Variants in ZNF565 observed in about 807,000 individuals in gnomAD.
ZNF565 encodes zinc finger protein 565.
Under a neutral mutation model 39.4 loss-of-function variants are expected in ZNF565, and 27 were observed. The observed-to-expected ratio is 0.69, with a 90% confidence interval of 0.51 to 0.95. ZNF565 has a LOEUF of 0.95. Ranked by LOEUF, ZNF565 falls within the 40% of genes least tolerant of loss-of-function variation. The pLI, the probability that ZNF565 is intolerant of heterozygous loss-of-function variation, is 0.00. For synonymous variants in ZNF565, 185 were observed against 216.6 expected (o/e 0.85, Z 1.28); for missense variants, 524 against 621.1 (o/e 0.84, Z 1.66).
intron 1 of ZNF565, among the ~76,000 whole-genome samples, chr19:36,202,361 G>A (rs1262776808): frequency 6.6e-6 from 1 of 151,192 alleles, no homozygotes; most frequent in Non-Finnish European, 1.5e-5. Context: ...AGCGAGACTC[G>A]ATCTCAAAAC....
intron 2 of ZNF565, among the ~76,000 whole-genome samples, chr19:36,195,832 C>T (rs1449070339): frequency 1.3e-5 from 2 of 150,348 alleles, no homozygotes; most frequent in South Asian, 2.1e-4. Flanking sequence ...GCGTGAGCCC[C>T]GTGCCCAGCC....
chr19:36,236,168 A>C, intron 1 of ZNF565: 1 of 362,294 alleles, frequency 2.8e-6, no homozygotes, highest in Non-Finnish European at 5.0e-6. Flanking sequence ...CTCATTGAGA[A>C]GCAGAAAATT....
chr19:36,239,401 T>C (rs969413014), intron 1 of ZNF565, among the ~76,000 whole-genome samples: 2 of 150,894 alleles, frequency 1.3e-5, no homozygotes, highest in African/African-American at 2.4e-5. Context: ...CTCACTGCAA[T>C]CTCCTCTGCT....
chr19:36,189,779 T>C (rs762940142), intron 4 of ZNF565, among the ~76,000 whole-genome samples: 1 of 152,222 alleles, frequency 6.6e-6, no homozygotes, highest in Non-Finnish European at 1.5e-5. Context: ...CTTAATATTT[T>C]AATACGGAAT....
At chr19:36,222,370 C>A (rs1227272265) in intron 1 of ZNF565, among the ~76,000 whole-genome samples, 2 of 152,166 alleles carry the variant, frequency 1.3e-5, no homozygotes, top group Non-Finnish European at 2.9e-5. Flanking sequence ...TCTGCTGTTG[C>A]TAACAATGCA....
chr19:36,213,759 C>T (rs1305398159), intron 1 of ZNF565, among the ~76,000 whole-genome samples: 2 of 150,580 alleles, frequency 1.3e-5, no homozygotes, highest in Admixed American at 6.6e-5. Context: ...CCTCCCACCT[C>T]GGCCTCCCAA....
chr19:36,200,786 A>C (rs10417892), intron 2 of ZNF565, among the ~76,000 whole-genome samples: 99,512 of 151,122 alleles, frequency 0.66, 33,231 homozygotes, highest in African/African-American at 0.78. Context: ...CACACCCAGC[A>C]TATATATATA....
At position 36,183,543 on chromosome 19, in the gene ZNF565, G is replaced by A; in HGVS notation, c.423C>T (p.Thr141=). The stretch of plus-strand genomic sequence containing the variant: ...GCTGGAACACGGGCATATGTCCATA[G>A]GTGACGTTCACTTGCTTAAAATAGC... ...EECYFKQVNV[T]YGHMPVFQHH... The change falls in exon 5 of 5, where the codon ACC becomes ACT. Residue 141 remains threonine, a synonymous_variant. Transcript: ENST00000304116. The A allele has an allele frequency of 4.3e-6, 7 of 1,614,204 alleles. No homozygotes were observed. Among genetic ancestry groups the A allele is most frequent in the Non-Finnish European group, 5.9e-6 (7 of 1,180,050 alleles).
At chr19:36,241,162 A>G (rs1977792565) in intron 1 of ZNF565, among the ~76,000 whole-genome samples, 1 of 152,244 alleles carries the variant, frequency 6.6e-6, no homozygotes. Flanking sequence ...TAGAATGCCA[A>G]ACTTATTTAA....
chr19:36,219,077 G>C (rs1228183623), upstream of ZNF565, among the ~76,000 whole-genome samples: 1 of 151,980 alleles, frequency 6.6e-6, no homozygotes, highest in East Asian at 1.9e-4. Flanking sequence ...CAAAGTGCTG[G>C]GATTACAGGC....
At chr19:36,190,315 G>A (rs539047205) in intron 4 of ZNF565, among the ~76,000 whole-genome samples, 2 of 151,960 alleles carry the variant, frequency 1.3e-5, no homozygotes, top group South Asian at 4.2e-4. Flanking sequence ...AGTGGCTCAC[G>A]CCTGTAATCC....
rs1246566505 is a variant in ZNF565, at chr19:36,245,577, G to A, written c.-47C>T. On this transcript the variant is annotated 5_prime_UTR_variant, in exon 1 of 5. Coordinates refer to the ZNF565 transcript ENST00000355114. This position sits in a 1 kb window ranked among gnomAD's most constrained non-coding sequence, Gnocchi z 4.4. ...ACTACATTTCCCAGGGTCCACCGCG[G>A]ATCTAGGAGGAGGCTTGAGATGCAG... is the stretch of plus-strand genomic sequence containing the variant. The A allele has an allele frequency of 1.4e-6, 1 of 702,082 alleles. No homozygotes were observed. Among genetic ancestry groups the A allele is most frequent in the Admixed American group, 2.0e-5 (1 of 49,980 alleles). 43.5% of individuals were successfully genotyped at this position (702,082 alleles called of 1,614,324 possible).
At chr19:36,219,812 C>A (rs539918833) in intron 1 of ZNF565, among the ~76,000 whole-genome samples, 1 of 152,128 alleles carries the variant, frequency 6.6e-6, no homozygotes, top group South Asian at 2.1e-4. Context: ...GTAGTCTATA[C>A]GTTAAGAGAA....
chr19:36,223,252 A>T (rs1976929683), intron 1 of ZNF565, among the ~76,000 whole-genome samples: 1 of 151,834 alleles, frequency 6.6e-6, no homozygotes, highest in Admixed American at 6.6e-5. Flanking sequence ...CCCCGTCTCT[A>T]CTAAAAATAC....
chr19:36,241,943 C>A (rs56229648), intron 1 of ZNF565, among the ~76,000 whole-genome samples: 1 of 152,094 alleles, frequency 6.6e-6, no homozygotes, highest in Non-Finnish European at 1.5e-5. Flanking sequence ...AGTAAATCTT[C>A]ATGACCTTAG....
At chr19:36,212,449 C>T (rs537142272) in intron 1 of ZNF565, among the ~76,000 whole-genome samples, 1 of 151,694 alleles carries the variant, frequency 6.6e-6, no homozygotes, top group Admixed American at 6.6e-5. Context: ...CCCCTCCCCC[C>T]GTCTCTACTA....
chr19:36,207,040 C>A (rs1320405743), intron 1 of ZNF565, among the ~76,000 whole-genome samples: 1 of 152,012 alleles, frequency 6.6e-6, no homozygotes, highest in African/African-American at 2.4e-5. Flanking sequence ...TTGCAAGGGT[C>A]TGAAGGCAGG....
upstream of ZNF565, among the ~76,000 whole-genome samples, chr19:36,216,988 G>A (rs954010699): frequency 1.6e-4 from 24 of 150,220 alleles, no homozygotes; most frequent in African/African-American, 5.6e-4. Context: ...GAGCCTAGGA[G>A]GTCAAGGCTG....
chr19:36,221,764 C>T (rs796735732), intron 1 of ZNF565, among the ~76,000 whole-genome samples: 2 of 151,602 alleles, frequency 1.3e-5, no homozygotes, highest in African/African-American at 4.8e-5. Context: ...CTTGTTTATC[C>T]TTCAAGTGGG....
Sources: gnomAD v4.1 joint callset for allele counts (sites outside exome capture counted in the v4.1 genomes callset) on GRCh38, gnomAD v4.1.1 for gene constraint, Gnocchi (gnomAD v3.1) non-coding constraint, MANE v1.5 for transcripts, NCBI Gene and HGNC (gene_info 2026-07-23, HGNC 2026-07-21) for gene names.